The following GMDS variants were observed in gnomAD, a reference collection of about 807,000 sequenced individuals.
GMDS encodes the protein GDP-mannose 4,6 dehydratase.
GMDS carries 20 observed loss-of-function variants against 49.9 expected under a neutral mutation model. The observed-to-expected ratio is 0.40, with a 90% CI of 0.28 to 0.58. GMDS has a LOEUF of 0.58. GMDS is among the 20% of genes least tolerant of loss of function. The pLI, the probability that GMDS is intolerant of heterozygous loss-of-function variation, is 0.42. For missense variants in GMDS, 362 were observed against 481.4 expected (o/e 0.75, Z 2.32); for synonymous variants, 177 against 178.6 (o/e 0.99, Z 0.07).
intron 4 of GMDS, among the ~76,000 whole-genome samples, chr6:1,982,452 T>G (rs1273802754): frequency 6.6e-6 from 1 of 152,226 alleles, no homozygotes; most frequent in Non-Finnish European, 1.5e-5. Context: ...TATCTTTGTT[T>G]GCAGATGACA....
At chr6:2,082,650 G>T (rs1360994434) in intron 4 of GMDS, among the ~76,000 whole-genome samples, 1 of 152,202 alleles carries the variant, frequency 6.6e-6, no homozygotes, top group Non-Finnish European at 1.5e-5. Context: ...CAAACTGAAA[G>T]TAATGGTTAT....
intron 4 of GMDS, among the ~76,000 whole-genome samples, chr6:2,095,788 A>G (rs1247472003): frequency 6.6e-6 from 1 of 152,228 alleles, no homozygotes. Flanking sequence ...AACCCTTTCA[A>G]TGATATATCT....
At chr6:2,059,492 A>G (rs990656914) in intron 4 of GMDS, among the ~76,000 whole-genome samples, 1 of 150,340 alleles carries the variant, frequency 6.7e-6, no homozygotes, top group African/African-American at 2.5e-5. Context: ...GTGGATCACG[A>G]GGTCAGGAGA....
intron 4 of GMDS, among the ~76,000 whole-genome samples, chr6:2,034,574 A>G (rs1042600519): frequency 6.6e-6 from 1 of 152,204 alleles, no homozygotes; most frequent in Non-Finnish European, 1.5e-5. Flanking sequence ...AATGTCAACA[A>G]CGCTGTTATT....
chr6:2,039,174 G>A (rs976949270), intron 4 of GMDS, among the ~76,000 whole-genome samples: 1 of 152,112 alleles, frequency 6.6e-6, no homozygotes, highest in African/African-American at 2.4e-5. Context: ...TTATAAACAC[G>A]AAAAGTACAG....
chr6:2,192,629 G>A (rs1266309190), intron 1 of GMDS, among the ~76,000 whole-genome samples: 1 of 152,188 alleles, frequency 6.6e-6, no homozygotes, highest in Non-Finnish European at 1.5e-5. Flanking sequence ...GCCAGCTGGG[G>A]AAGCTGTCTG....
intron 4 of GMDS, among the ~76,000 whole-genome samples, chr6:2,069,761 A>C (rs1461356104): frequency 1.3e-5 from 2 of 152,040 alleles, no homozygotes; most frequent in South Asian, 2.1e-4. Flanking sequence ...TAAAAAGTCA[A>C]GAAACAACAG....
intron 7 of GMDS, among the ~76,000 whole-genome samples, chr6:1,918,405 T>A (rs1761521366): frequency 6.6e-6 from 1 of 152,202 alleles, no homozygotes; most frequent in African/African-American, 2.4e-5. Flanking sequence ...GGCCAGTTTA[T>A]CCTTCTGCCT....
At chr6:1,989,428 G>A (rs1176466765) in intron 4 of GMDS, among the ~76,000 whole-genome samples, 5 of 152,112 alleles carry the variant, frequency 3.3e-5, no homozygotes, top group African/African-American at 1.2e-4. Context: ...AGGGGAGAGG[G>A]TAACCCTGAG....
At chr6:1,988,305 C>G (rs1765689937) in intron 4 of GMDS, among the ~76,000 whole-genome samples, 1 of 151,782 alleles carries the variant, frequency 6.6e-6, no homozygotes, top group Non-Finnish European at 1.5e-5. Flanking sequence ...AGTGGCTTAA[C>G]TTCATATAAG....
chr6:2,059,796 A>G (rs967863291), intron 4 of GMDS, among the ~76,000 whole-genome samples: 4 of 150,402 alleles, frequency 2.7e-5, no homozygotes, highest in Non-Finnish European at 5.9e-5. Flanking sequence ...AAACTTACCA[A>G]CCCCAAATAT....
intron 9 of GMDS, among the ~76,000 whole-genome samples, chr6:1,648,340 G>A (rs1372786506): frequency 6.6e-6 from 1 of 152,174 alleles, no homozygotes; most frequent in Non-Finnish European, 1.5e-5. Context: ...TACCTTGGTC[G>A]GAAGGAAACC....
rs372113243 is a variant in GMDS at position 1,775,524 on chromosome 6, T to C, written c.772-32938A>G. Reference sequence around the variant, plus strand: ...GTAAGAGTGGCACTCTCACTGGACATGATGTGCTTGGACCCACTATACTTT... The same window carrying C: ...GTAAGAGTGGCACTCTCACTGGACACGATGTGCTTGGACCCACTATACTTT... On this transcript the variant is annotated intron_variant, in intron 7 of 10. Transcript: ENST00000380815. Among the ~76,000 whole-genome samples the C allele has an allele frequency of 1.7e-4, 26 of 152,358 alleles. 1 individual carries two copies. The highest frequency in any genetic ancestry group is 6.3e-4 in the African/African-American group (26 of 41,584).
At chr6:2,127,908 T>C (rs1775540892) in intron 1 of GMDS, among the ~76,000 whole-genome samples, 1 of 152,222 alleles carries the variant, frequency 6.6e-6, no homozygotes, top group South Asian at 2.1e-4. Flanking sequence ...ACCATTAAGT[T>C]CTGACGCTTG....
At chr6:1,943,813 A>G (rs17134509) in intron 6 of GMDS, among the ~76,000 whole-genome samples, 3,892 of 152,236 alleles carry the variant, frequency 0.026, 159 homozygotes, top group East Asian at 0.18. Flanking sequence ...CTCTGTATAC[A>G]CTTTTACCTC....
At chr6:2,160,742 G>C (rs911730186) in intron 1 of GMDS, among the ~76,000 whole-genome samples, 3 of 151,980 alleles carry the variant, frequency 2.0e-5, no homozygotes, top group African/African-American at 7.2e-5. Context: ...TGCCTAGGCT[G>C]GTCTCCAACT....
chr6:1,899,497 GT>G (rs1457930421), intron 7 of GMDS, among the ~76,000 whole-genome samples: 1 of 152,204 alleles, frequency 6.6e-6, no homozygotes, highest in Admixed American at 6.5e-5. Flanking sequence ...AGTAGACTCC[GT>G]TCAAGAGAGA....
intron 8 of GMDS, among the ~76,000 whole-genome samples, chr6:1,728,311 T>C (rs1234811724): frequency 6.6e-6 from 1 of 152,244 alleles, no homozygotes; most frequent in East Asian, 1.9e-4. Flanking sequence ...AGGCTTTCAG[T>C]AGATGAAAGT....
chr6:1,654,925 G>A (rs902252489), intron 9 of GMDS, among the ~76,000 whole-genome samples: 1 of 151,868 alleles, frequency 6.6e-6, no homozygotes, highest in Non-Finnish European at 1.5e-5. Context: ...GCTGGGCGTG[G>A]TGGTGCGCAC....
Sources: gnomAD v4.1 joint callset for allele counts (sites outside exome capture counted in the v4.1 genomes callset) on GRCh38, gnomAD v4.1.1 for gene constraint, MANE v1.5 for transcripts, NCBI Gene and HGNC (gene_info 2026-07-23, HGNC 2026-07-21) for gene names.